CTNNBL1: variants seen among roughly 807,000 people sequenced by gnomAD.
The protein encoded by CTNNBL1 is beta-catenin-like protein 1.
A neutral mutation model predicts 72.7 loss-of-function variants in CTNNBL1; 31 were observed. The observed-to-expected ratio is 0.43, with a 90% CI of 0.32 to 0.58. CTNNBL1 has a LOEUF of 0.58. Ranked by LOEUF, CTNNBL1 falls within the 20% of genes least tolerant of loss-of-function variation. The pLI, the probability that CTNNBL1 is intolerant of heterozygous loss-of-function variation, is 0.08. For synonymous variants in CTNNBL1, 240 were observed against 267.3 expected (o/e 0.90, Z 1.00); for missense variants, 534 against 725.1 (o/e 0.74, Z 3.03).
intron 11 of CTNNBL1, among the ~76,000 whole-genome samples, chr20:37,831,530 T>G (rs542049455): frequency 6.6e-6 from 1 of 152,080 alleles, no homozygotes; most frequent in African/African-American, 2.4e-5. Flanking sequence ...CACGCCCAGC[T>G]AATTTTTTGT....
At chr20:37,727,287 G>A in intron 1 of CTNNBL1, 1 of 959,194 alleles carries the variant, frequency 1.0e-6, no homozygotes, top group Non-Finnish European at 1.2e-6. Flanking sequence ...AAGATGTCTT[G>A]ATTTCTGTTT....
intron 3 of CTNNBL1, among the ~76,000 whole-genome samples, chr20:37,740,884 T>G (rs2073209985): frequency 6.6e-6 from 1 of 152,220 alleles, no homozygotes; most frequent in Admixed American, 6.5e-5. Context: ...TACCCCATCC[T>G]GGGGTCCTAG....
At chr20:37,791,071 C>T (rs1453003673) in intron 10 of CTNNBL1, among the ~76,000 whole-genome samples, 1 of 152,136 alleles carries the variant, frequency 6.6e-6, no homozygotes, top group East Asian at 1.9e-4. Context: ...GAGATTCGTC[C>T]ATGTTGTGTA....
rs1233990549 is a variant in CTNNBL1 at position 37,757,594 on chromosome 20, T to A, written c.502T>A (p.Leu168Ile). 1 of 1,613,810 alleles carries A rather than the reference T, an allele frequency of 6.2e-7. No individual in the cohort carries two copies. Among genetic ancestry groups the A allele is most frequent in the Non-Finnish European group, 8.5e-7 (1 of 1,179,840 alleles). ...AGCTGTGGTCGATTTGCTTCAGGAA[T>A]TAACAGATATAGACACCCTCCATGA... Reference protein sequence around the residue: ...SIAVVDLLQELTDIDTLHESE... With the variant: ...SIAVVDLLQEITDIDTLHESE... Residue 168 changes from leucine (L) to isoleucine (I), a missense_variant, in exon 5 of 16, where the codon TTA becomes ATA. Physicochemically the swap from Leu to Ile is conservative, Grantham distance 5. Transcript: ENST00000361383.
intron 12 of CTNNBL1, among the ~76,000 whole-genome samples, chr20:37,841,700 A>T (rs1049165892): frequency 1.3e-5 from 2 of 152,166 alleles, no homozygotes; most frequent in South Asian, 4.2e-4. Flanking sequence ...AGTCTTGGGG[A>T]AAAAACAAAA....
chr20:37,781,855 G>A (rs148986430), intron 10 of CTNNBL1, among the ~76,000 whole-genome samples: 1 of 152,262 alleles, frequency 6.6e-6, no homozygotes, highest in East Asian at 1.9e-4. Flanking sequence ...TCAGACAGTT[G>A]TGAAATGCCC....
intron 11 of CTNNBL1, among the ~76,000 whole-genome samples, chr20:37,823,939 C>T (rs2072133925): frequency 6.6e-6 from 1 of 152,318 alleles, no homozygotes; most frequent in South Asian, 2.1e-4. Flanking sequence ...GGACTCCTTA[C>T]AAAAGACCAA....
chr20:37,839,461 T>C (rs1051703338), intron 11 of CTNNBL1, among the ~76,000 whole-genome samples: 12 of 152,252 alleles, frequency 7.9e-5, no homozygotes, highest in African/African-American at 2.9e-4. Flanking sequence ...GCCTATAATA[T>C]ACCCTTGAAT....
At chr20:37,771,932 C>T (rs147329689) in intron 7 of CTNNBL1, among the ~76,000 whole-genome samples, 3,209 of 152,160 alleles carry the variant, frequency 0.021, 63 homozygotes, top group Middle Eastern at 0.031. Context: ...TACTTTGCCC[C>T]CAGCCTATAC....
At chr20:37,845,297 G>A (rs2072337791) in intron 13 of CTNNBL1, among the ~76,000 whole-genome samples, 1 of 152,146 alleles carries the variant, frequency 6.6e-6, no homozygotes, top group South Asian at 2.1e-4. Context: ...TAGGAAACTT[G>A]GCCTGCTTCC....
At chr20:37,753,303 G>A (rs891487195) in intron 4 of CTNNBL1, among the ~76,000 whole-genome samples, 1 of 152,188 alleles carries the variant, frequency 6.6e-6, no homozygotes, top group African/African-American at 2.4e-5. Flanking sequence ...AGGCAGGAAA[G>A]TAGGCAAGGA....
intron 10 of CTNNBL1, among the ~76,000 whole-genome samples, chr20:37,786,518 G>C (rs1461779390): frequency 6.6e-6 from 1 of 151,812 alleles, no homozygotes; most frequent in Non-Finnish European, 1.5e-5. Context: ...CCAACTCTTG[G>C]TTTTGATATA....
chr20:37,816,004 C>A (rs1217669806), intron 11 of CTNNBL1, among the ~76,000 whole-genome samples: 3 of 152,132 alleles, frequency 2.0e-5, no homozygotes, highest in African/African-American at 7.2e-5. Flanking sequence ...AATCATCTTG[C>A]AGTCTTACTT....
rs373023677 is a variant in CTNNBL1 at position 37,756,633 on chromosome 20, C to CT, written c.467-908dup. Among the ~76,000 whole-genome samples, 735 of 130,052 alleles carry CT rather than the reference C, an allele frequency of 5.7e-3. 6 individuals carry two copies. Among genetic ancestry groups the CT allele is most frequent in the African/African-American group, 8.4e-3 (285 of 33,746 alleles). The allele number at this position is 130,052 out of a possible 152,430, so 85.3% of individuals were successfully genotyped here. Reference sequence around the variant, plus strand: ...TTTTCTTTTCTCTCTCTCTCCCTTTCTTTTTTTTTTTTTTTTTTCTTTGAG... The same window carrying CT: ...TTTTCTTTTCTCTCTCTCTCCCTTTCTTTTTTTTTTTTTTTTTTTCTTTGAG... On this transcript the variant is annotated intron_variant, in intron 4 of 15. Coordinates refer to ENST00000361383, the MANE Select transcript of CTNNBL1 (RefSeq NM_030877.5).
At chr20:37,702,007 C>G (rs961952083) in intron 1 of CTNNBL1, among the ~76,000 whole-genome samples, 1 of 152,194 alleles carries the variant, frequency 6.6e-6, no homozygotes, top group Admixed American at 6.5e-5. Flanking sequence ...TTTTACAGTG[C>G]TAACAGTATA....
intron 1 of CTNNBL1, among the ~76,000 whole-genome samples, chr20:37,718,291 C>G (rs1294566260): frequency 5.8e-5 from 8 of 138,916 alleles, no homozygotes; most frequent in Non-Finnish European, 9.3e-5. Context: ...GGGGGCTGAC[C>G]CCCCCACCTC....
chr20:37,728,228 T>C (rs60453471), intron 1 of CTNNBL1, among the ~76,000 whole-genome samples: 7,044 of 152,264 alleles, frequency 0.046, 566 homozygotes, highest in African/African-American at 0.16. Flanking sequence ...ACATACCAGA[T>C]TCCAAGGACC....
At chr20:37,838,272 A>G (rs2072272342) in intron 11 of CTNNBL1, among the ~76,000 whole-genome samples, 1 of 152,186 alleles carries the variant, frequency 6.6e-6, no homozygotes. Context: ...CTCTATGGAG[A>G]TTAGGCCAAA....
intron 1 of CTNNBL1, among the ~76,000 whole-genome samples, chr20:37,726,998 T>C (rs1414539953): frequency 2.6e-5 from 4 of 152,198 alleles, no homozygotes; most frequent in Non-Finnish European, 5.9e-5. Flanking sequence ...TAATATAGAT[T>C]GCGTGCTCAG....
Sources: gnomAD v4.1 joint callset for allele counts (sites outside exome capture counted in the v4.1 genomes callset) on GRCh38, gnomAD v4.1.1 for gene constraint, MANE v1.5 for transcripts, NCBI Gene and HGNC (gene_info 2026-07-23, HGNC 2026-07-21) for gene names.